Variants in AOPEP observed in about 807,000 individuals in gnomAD.
AOPEP encodes aminopeptidase O.
Under a neutral mutation model 98.1 loss-of-function variants are expected in AOPEP, and 77 were observed. The observed-to-expected ratio is 0.78, with a 90% CI of 0.65 to 0.95. The LOEUF (loss-of-function observed/expected upper bound fraction) is 0.95. Among genes scored for constraint, AOPEP ranks in the 40% least tolerant of loss-of-function variants. The pLI, the probability that AOPEP is intolerant of heterozygous loss-of-function variation, is 0.00. For missense variants in AOPEP, 1,024 were observed against 1,024.7 expected, an observed-to-expected ratio of 1.00 and a Z score of 0.01; for synonymous variants, 346 against 365.3, an observed-to-expected ratio of 0.95 and a Z score of 0.60.
intron 9 of AOPEP, among the ~76,000 whole-genome samples, chr9:94,958,083 A>G (rs1255844452): frequency 6.6e-6 from 1 of 152,076 alleles, no homozygotes; most frequent in Admixed American, 6.6e-5. Flanking sequence ...CCGCCATTCT[A>G]CTTTCTGTCT....
intron 13 of AOPEP, among the ~76,000 whole-genome samples, chr9:95,049,578 T>C (rs2133762974): frequency 6.6e-6 from 1 of 152,306 alleles, no homozygotes; most frequent in South Asian, 2.1e-4. Flanking sequence ...ATAGGAAATG[T>C]TACATTTTAA....
At chr9:95,106,999 A>G in the AOPEP span, 1 of 1,506,566 alleles carries the variant, frequency 6.6e-7, no homozygotes, top group Non-Finnish European at 9.2e-7. Context: ...AGACCCTCGG[A>G]CAGGTAACCC....
intron 2 of AOPEP, among the ~76,000 whole-genome samples, chr9:94,771,987 G>T (rs1273856649): frequency 2.0e-5 from 3 of 152,134 alleles, no homozygotes; most frequent in Non-Finnish European, 2.9e-5. Flanking sequence ...GACTGATGGA[G>T]TTGAACCATC....
At chr9:95,138,211 C>T in the AOPEP span, among the ~76,000 whole-genome samples, 1 of 152,220 alleles carries the variant, frequency 6.6e-6, no homozygotes, top group East Asian at 1.9e-4. Flanking sequence ...GAAGCCAGGG[C>T]GGCTGAGGTT....
rs1376736342 is a variant in AOPEP, at chr9:94,792,767, T to G, written c.967T>G (p.Cys323Gly). 1.2e-6 allele frequency: 2 copies of G among 1,601,870 alleles called. No homozygotes were observed. Among genetic ancestry groups the G allele is most frequent in the Non-Finnish European group, 1.7e-6 (2 of 1,172,410 alleles). Residue 323 changes from cysteine to glycine, a missense_variant and splice_region_variant, in exon 4 of 17, where the codon TGC becomes GGC. Physicochemically the swap from Cys to Gly is radical, Grantham distance 159. This residue lies in a region of AOPEP where 440 missense variants were observed against 433.8 expected (regional missense o/e 1.01). Coordinates refer to ENST00000375315, the MANE Select transcript of AOPEP (RefSeq NM_001193329.3). ...GGTTTTTCTCTTCCTGTTTACAGAG[T>G]GCTCAAGCTGGTATTACTATGTAAC... ...SAKPTQLWEE[C>G]SSWYYYVTMP...
At chr9:95,150,025 T>A in the AOPEP span, 6,367 of 1,614,040 alleles carry the variant, frequency 3.9e-3, 26 homozygotes, top group Middle Eastern at 5.1e-3. Context: ...GGGGTCAACA[T>A]CTGTCAGGGT....
At chr9:94,881,246 ATT>A (rs71366267) in intron 5 of AOPEP, among the ~76,000 whole-genome samples, 505 of 144,896 alleles carry the variant, frequency 3.5e-3, no homozygotes, top group Non-Finnish European at 3.4e-3. Context: ...TGCTGCTTCT[ATT>A]TTTTTTTTTT....
chr9:95,135,292 G>T, the AOPEP span: 100 of 1,554,638 alleles, frequency 6.4e-5, no homozygotes, highest in Non-Finnish European at 8.3e-5. Context: ...TAAAAGAAAT[G>T]ATTCCAAGCA....
At chr9:94,738,573 A>G (rs1832307798) in intron 1 of AOPEP, among the ~76,000 whole-genome samples, 1 of 151,720 alleles carries the variant, frequency 6.6e-6, no homozygotes, top group African/African-American at 2.4e-5. Flanking sequence ...AAAAAAAATT[A>G]TTATTATTAT....
chr9:94,834,011 T>C (rs945863356), intron 5 of AOPEP, among the ~76,000 whole-genome samples: 3 of 152,134 alleles, frequency 2.0e-5, no homozygotes, highest in African/African-American at 7.2e-5. Context: ...GTTGCCCAAG[T>C]TACACCAACC....
intron 5 of AOPEP, among the ~76,000 whole-genome samples, chr9:94,882,593 T>C (rs2047715584): frequency 6.6e-6 from 1 of 152,158 alleles, no homozygotes; most frequent in Non-Finnish European, 1.5e-5. Flanking sequence ...CTGGCTAGTA[T>C]GTTGAAACCC....
chr9:95,051,235 G>A (rs555517221), intron 13 of AOPEP, among the ~76,000 whole-genome samples: 15 of 151,858 alleles, frequency 9.9e-5, no homozygotes, highest in East Asian at 5.8e-4. Context: ...GACTACAGGT[G>A]CGCGCCACCA....
intron 13 of AOPEP, among the ~76,000 whole-genome samples, chr9:95,053,082 C>T (rs1243187838): frequency 1.3e-5 from 2 of 152,004 alleles, no homozygotes; most frequent in South Asian, 2.1e-4. Context: ...TTTGTTAGAG[C>T]ACATGCTTTA....
chr9:95,110,721 TTAAC>T, the AOPEP span: 172,103 of 1,065,440 alleles, frequency 0.16, 14,500 homozygotes, highest in South Asian at 0.23. Context: ...CTTGTCCTCT[TTAAC>T]TACTAAGATC....
chr9:95,060,700 C>G lies in AOPEP; in HGVS notation c.2122C>G (p.Pro708Ala). ...TGTTTGGTTTTGTCTTTAGCTTCTTCCAGACCAGCTGGTCTTGCTTCTGGA... is the reference window on the plus strand; with the variant it reads ...TGTTTGGTTTTGTCTTTAGCTTCTTGCAGACCAGCTGGTCTTGCTTCTGGA... ...EKEEVFEKLL[P>A]DQLVLLLEHL... The change falls in exon 14 of 17, where the codon CCA (proline) becomes GCA (alanine). Residue 708 changes from proline to alanine, a missense_variant. Around this residue, in one of 3 missense-constraint regions of AOPEP, gnomAD observed 566 missense variants for 551.7 expected, o/e 1.03. Coordinates refer to ENST00000375315, the MANE Select transcript of AOPEP (RefSeq NM_001193329.3). The G allele has an allele frequency of 1.2e-6, 2 of 1,612,152 alleles. No homozygotes were observed. Among genetic ancestry groups the G allele is most frequent in the Middle Eastern group, 1.7e-4 (1 of 6,060 alleles).
chr9:95,053,897 A>T (rs1051354336), intron 13 of AOPEP, among the ~76,000 whole-genome samples: 2 of 152,120 alleles, frequency 1.3e-5, no homozygotes, highest in African/African-American at 4.8e-5. Context: ...GGGGGTGGGT[A>T]GGGAGCGAGG....
intron 6 of AOPEP, among the ~76,000 whole-genome samples, chr9:94,926,101 G>A (rs778464450): frequency 1.1e-4 from 16 of 152,138 alleles, no homozygotes; most frequent in African/African-American, 3.9e-4. Context: ...GGCAGTTGTG[G>A]TGCATTCCAG....
chr9:95,015,249 T>C (rs7851173), intron 13 of AOPEP, among the ~76,000 whole-genome samples: 124,470 of 152,114 alleles, frequency 0.82, 51,668 homozygotes, highest in Non-Finnish European at 0.89. Flanking sequence ...AGGGGTTTGA[T>C]TGATGTATAT....
At chr9:95,128,575 T>G in the AOPEP span, among the ~76,000 whole-genome samples, 3 of 152,218 alleles carry the variant, frequency 2.0e-5, no homozygotes, top group East Asian at 1.9e-4. Flanking sequence ...AGGGCTACTA[T>G]GAAAACCACT....
Sources: allele counts gnomAD v4.1 joint callset (sites outside exome capture counted in the v4.1 genomes callset), GRCh38; gene constraint gnomAD v4.1.1; regional missense constraint gnomAD v4.1.1; transcripts MANE v1.5; gene names NCBI Gene and HGNC (gene_info 2026-07-23, HGNC 2026-07-21).